Variants in OLFML2B observed in about 807,000 individuals in gnomAD.
OLFML2B encodes olfactomedin-like protein 2B.
OLFML2B carries 57 observed loss-of-function variants against 74.9 expected under a neutral mutation model. That is an observed-to-expected ratio of 0.76 (90% CI 0.61 to 0.95). OLFML2B has a LOEUF of 0.95. Among genes scored for constraint, OLFML2B ranks in the 40% least tolerant of loss-of-function variants. The pLI is 0.00. For synonymous variants in OLFML2B, 388 were observed against 405.8 expected (o/e 0.96, Z 0.53); for missense variants, 986 against 970.6 (o/e 1.02, Z -0.21).
chr1:161,990,739 A>G (rs1415099389), intron 6 of OLFML2B, among the ~76,000 whole-genome samples: 1 of 152,208 alleles, frequency 6.6e-6, no homozygotes, highest in Non-Finnish European at 1.5e-5. Flanking sequence ...TCCTTTCATG[A>G]AAGATTTCTC....
Position 161,985,122 on chromosome 1 carries a change from C to T in OLFML2B, c.1475-142G>A, listed in dbSNP as rs889795526. The T allele has an allele frequency of 4.0e-6, 3 of 741,912 alleles. No homozygotes were observed. The African/African-American group carries it at 5.4e-5, about 13-fold the overall frequency. The allele number at this position is 741,912 out of a possible 1,614,324, so 46.0% of individuals were successfully genotyped here. ...TATAACCTGACCCCAAACATTTTTC[C>T]ACACCATCTCCTGCTACTCCCCTGA... On this transcript the variant is annotated intron_variant, in intron 6 of 7. Coordinates refer to ENST00000294794, the MANE Select transcript of OLFML2B (RefSeq NM_015441.3).
At chr1:162,023,204 G>T in intron 1 of OLFML2B, 53 bp downstream of exon 1, 1 of 1,431,250 alleles carries the variant, frequency 7.0e-7, no homozygotes, top group Non-Finnish European at 9.3e-7. Flanking sequence ...CCAGCTTCTG[G>T]CTCTCACCAC....
intron 3 of OLFML2B, among the ~76,000 whole-genome samples, chr1:162,009,683 T>A (rs181739282): frequency 6.6e-6 from 1 of 152,126 alleles, no homozygotes; most frequent in South Asian, 2.1e-4. Flanking sequence ...AGGCTGGCGG[T>A]GGCATCACCC....
chr1:161,999,906 A>G (rs867294540), intron 5 of OLFML2B, among the ~76,000 whole-genome samples: 38 of 152,212 alleles, frequency 2.5e-4, no homozygotes, highest in African/African-American at 9.2e-4. Context: ...GTCTTCTGCA[A>G]GCTCAGAGAA....
intron 3 of OLFML2B, among the ~76,000 whole-genome samples, chr1:162,012,619 A>G (rs1009872602): frequency 6.6e-6 from 1 of 152,238 alleles, no homozygotes; most frequent in African/African-American, 2.4e-5. Flanking sequence ...CAGCAGGTAG[A>G]TTCGTGAAAA....
intron 3 of OLFML2B, among the ~76,000 whole-genome samples, chr1:162,006,952 A>C (rs1027256442): frequency 6.6e-5 from 10 of 152,086 alleles, no homozygotes; most frequent in Admixed American, 3.9e-4. Context: ...ACAACAACAA[A>C]AAACTACTCT....
At chr1:161,988,822 ACTTT>A (rs903507199) in intron 6 of OLFML2B, among the ~76,000 whole-genome samples, 8 of 152,004 alleles carry the variant, frequency 5.3e-5, no homozygotes, top group African/African-American at 1.4e-4. Flanking sequence ...CCTACAAGGC[ACTTT>A]CTTTCTGGAT....
intron 6 of OLFML2B, among the ~76,000 whole-genome samples, chr1:161,996,281 C>T (rs1689896349): frequency 6.6e-6 from 1 of 152,196 alleles, no homozygotes; most frequent in South Asian, 2.1e-4. Context: ...CACATACACA[C>T]CATGAATGGA....
chr1:162,001,630 C>T (rs750165445), intron 4 of OLFML2B, among the ~76,000 whole-genome samples: 2 of 152,140 alleles, frequency 1.3e-5, no homozygotes, highest in African/African-American at 4.8e-5. Context: ...GGTCTCTTAC[C>T]CAAGCTGAAC....
intron 4 of OLFML2B, 125 bp from the exon 5 acceptor site, chr1:162,000,463 G>T: frequency 1.5e-6 from 1 of 658,328 alleles, no homozygotes; most frequent in Non-Finnish European, 2.6e-6. Context: ...GCCAGGCACT[G>T]TTCTAAGTGC....
At chr1:161,993,057 C>T (rs1413900669) in intron 6 of OLFML2B, among the ~76,000 whole-genome samples, 1 of 151,996 alleles carries the variant, frequency 6.6e-6, no homozygotes, top group Non-Finnish European at 1.5e-5. Flanking sequence ...CATGGAACAG[C>T]AAATAAAAAA....
At chr1:162,014,499 C>A (rs1282933910) in intron 3 of OLFML2B, among the ~76,000 whole-genome samples, 2 of 152,202 alleles carry the variant, frequency 1.3e-5, no homozygotes, top group African/African-American at 4.8e-5. Context: ...AATCTGACCC[C>A]TTTTTTGTCT....
At position 161,998,338 on chromosome 1, in the gene OLFML2B, A is replaced by G; in HGVS notation, c.961T>C (p.Phe321Leu). Residue 321 changes from phenylalanine (F) to leucine (L), a missense_variant, in exon 6 of 8, where the codon TTC becomes CTC. Transcript: ENST00000294794. Reference sequence around the variant, plus strand: ...AAATCCACTCCATTGTCACCGCTGAAAAACTCATCTTCTGTGAAACAAACA... The same window carrying G: ...AAATCCACTCCATTGTCACCGCTGAGAAACTCATCTTCTGTGAAACAAACA... ...NDIEEQQDEF[F>L]SGDNGVDLLI... 1 of 1,552,522 alleles carries G rather than the reference A, an allele frequency of 6.4e-7. No homozygotes were observed. The highest frequency in any genetic ancestry group is 1.2e-5 in the South Asian group (1 of 82,778).
At chr1:162,003,240 A>T (rs1316421124) in intron 4 of OLFML2B, among the ~76,000 whole-genome samples, 1 of 152,154 alleles carries the variant, frequency 6.6e-6, no homozygotes, top group African/African-American at 2.4e-5. Flanking sequence ...GACTTGGGAG[A>T]TCCCTCATTT....
At chr1:162,017,338 G>T in intron 3 of OLFML2B, 62 bp downstream of exon 3, 1 of 1,249,998 alleles carries the variant, frequency 8.0e-7, no homozygotes, top group Non-Finnish European at 1.2e-6. Flanking sequence ...TTTACTGTGG[G>T]ACGTTTGATA....
At chr1:162,022,232 C>T (rs1029730253) in intron 1 of OLFML2B, among the ~76,000 whole-genome samples, 2 of 138,078 alleles carry the variant, frequency 1.4e-5, no homozygotes, top group Non-Finnish European at 3.1e-5. Context: ...TGGCTCTACC[C>T]ATGTATCTCT....
In OLFML2B at chr1:162,000,094, C is replaced by A. The variant is rs372547002; in HGVS notation, c.949+19G>T. The stretch of plus-strand genomic sequence containing the variant: ...CTCCCTACCCTGCCTCTGGGGCGGC[C>A]CTGTTGACCCCAACTCACGCTGCTC... On this transcript the variant is annotated intron_variant, in intron 5 of 7. Transcript: ENST00000294794. The A allele has an allele frequency of 1.3e-5, 21 of 1,562,848 alleles. No homozygotes were observed. The highest frequency in any genetic ancestry group is 1.8e-5 in the Non-Finnish European group (21 of 1,148,826).
chr1:162,021,106 A>C (rs1009903597), intron 1 of OLFML2B, among the ~76,000 whole-genome samples: 10 of 152,208 alleles, frequency 6.6e-5, no homozygotes, highest in African/African-American at 2.2e-4. Flanking sequence ...AGCGGCTCCA[A>C]CTGGAAGCCA....
chr1:162,005,679 G>A (rs1183113280), intron 4 of OLFML2B, among the ~76,000 whole-genome samples: 2 of 152,086 alleles, frequency 1.3e-5, no homozygotes, highest in East Asian at 1.9e-4. Flanking sequence ...ATTGCTTGTG[G>A]CCAGGAGTTC....
Sources: gnomAD v4.1 joint callset for allele counts (sites outside exome capture counted in the v4.1 genomes callset) on GRCh38, gnomAD v4.1.1 for gene constraint, MANE v1.5 for transcripts, NCBI Gene and HGNC (gene_info 2026-07-23, HGNC 2026-07-21) for gene names.